The following DDX11 variants were observed in gnomAD, a reference collection of about 807,000 sequenced individuals.
DDX11 encodes DEAD/H-box helicase 11, also known as ATP-dependent DNA helicase DDX11.
DDX11 carries 72 observed loss-of-function variants against 125.2 expected under a neutral mutation model. The ratio of observed to expected loss-of-function variants is 0.58; its 90% confidence interval spans 0.48 to 0.70. The LOEUF (loss-of-function observed/expected upper bound fraction) is 0.70. Ranked by LOEUF, DDX11 falls within the 30% of genes least tolerant of loss-of-function variation. DDX11 has a pLI of 0.00. For synonymous variants in DDX11, 347 were observed against 452.6 expected (o/e 0.77, Z 2.96); for missense variants, 883 against 1,165.0 (o/e 0.76, Z 3.52).
chr12:31,081,126 C>T (rs1395067080), intron 2 of DDX11, among the ~76,000 whole-genome samples: 4 of 152,220 alleles, frequency 2.6e-5, no homozygotes, highest in South Asian at 2.1e-4. Context: ...CAGGCTTCTG[C>T]GTCTTCTTCC....
rs531556994 is a variant in DDX11, at chr12:31,089,792, G to A, written c.881-94G>A. On this transcript the variant is annotated intron_variant, in intron 8 of 26. Coordinates refer to ENST00000542838, the MANE Select transcript of DDX11 (RefSeq NM_030653.4). ...GAGGGTCTTATAGACCCTACCCCATGGAAGTGGGTCTCAACATTACACAAC... is the reference window on the plus strand; with the variant it reads ...GAGGGTCTTATAGACCCTACCCCATAGAAGTGGGTCTCAACATTACACAAC... 477 of 1,551,518 alleles carry A rather than the reference G, an allele frequency of 3.1e-4. 1 individual carries two copies. The Admixed American group carries it at 4.4e-3, about 14-fold the overall frequency.
At position 31,089,739 on chromosome 12, in the gene DDX11, C is replaced by T. The variant is rs968201637; in HGVS notation, c.881-147C>T. 2.1e-5 allele frequency: 30 copies of T among 1,433,856 alleles called. No individual in the cohort carries two copies. The African/African-American group carries it at 2.6e-4, about 12-fold the overall frequency. 88.8% of individuals were successfully genotyped at this position (1,433,856 alleles called of 1,614,324 possible). On this transcript the variant is annotated intron_variant, in intron 8 of 26. Transcript: ENST00000542838. ...ACAGAAGTAAAACCTTACAGTGTTCCGATGAGACCACAGTAGGCAGTACTT... is the reference window on the plus strand; with the variant it reads ...ACAGAAGTAAAACCTTACAGTGTTCTGATGAGACCACAGTAGGCAGTACTT...
chr12:31,090,122 G>T lies in DDX11; in HGVS notation c.1089+28G>T, dbSNP rs572420256. 8 of 1,548,778 alleles carry T rather than the reference G, an allele frequency of 5.2e-6. No individual in the cohort carries two copies. The South Asian group carries it at 9.5e-5, about 18-fold the overall frequency. The stretch of plus-strand genomic sequence containing the variant: ...GAGGGCCCTGCAGGGCCAGAAAGCC[G>T]CTCTTGACTCTCACTGTGGTCTAGG... On this transcript the variant is annotated intron_variant, in intron 9 of 26. Transcript: ENST00000542838.
intron 16 of DDX11, 45 bp downstream of exon 16, chr12:31,096,790 C>G (rs1466212054): frequency 6.2e-7 from 1 of 1,614,190 alleles, no homozygotes. Context: ...CACGCATGGG[C>G]AAGGACTTCT....
intron 1 of DDX11, among the ~76,000 whole-genome samples, chr12:31,077,578 T>C (rs923813198): frequency 1.3e-5 from 2 of 151,786 alleles, no homozygotes; most frequent in African/African-American, 4.8e-5. Context: ...CCGGGTGCGG[T>C]GGCTCACGCC....
intron 5 of DDX11, among the ~76,000 whole-genome samples, chr12:31,086,373 A>T (rs1170704839): frequency 6.6e-6 from 1 of 152,150 alleles, no homozygotes; most frequent in Non-Finnish European, 1.5e-5. Context: ...AGTGTTTGGC[A>T]TAGGGGTGTG....
Position 31,102,959 on chromosome 12 carries a change from C to A in DDX11, c.2396C>A (p.Pro799His). The A allele has an allele frequency of 6.2e-7, 1 of 1,613,942 alleles. No individual in the cohort carries two copies. Among genetic ancestry groups the A allele is most frequent in the Non-Finnish European group, 8.5e-7 (1 of 1,179,856 alleles). ...AGGTGTGTGGTGATGGTGGGCATGC[C>A]CTTCCCCAACATCAGGTCTGCAGAG... ...LGRCVVMVGM[P>H]FPNIRSAELQ... The change falls in exon 24 of 27, where the codon CCC becomes CAC. Residue 799 changes from proline (P) to histidine (H), a missense_variant. Around this residue, in one of 5 missense-constraint regions of DDX11, gnomAD observed 285 missense variants for 346.0 expected, o/e 0.82. Coordinates refer to ENST00000542838, the MANE Select transcript of DDX11 (RefSeq NM_030653.4).
chr12:31,082,843 G>C (rs1378061090), intron 2 of DDX11, among the ~76,000 whole-genome samples: 1 of 152,216 alleles, frequency 6.6e-6, no homozygotes, highest in African/African-American at 2.4e-5. Context: ...AGGGTCGTGA[G>C]GGAAAGATCT....
At chr12:31,077,941 C>G (rs992007757) in intron 1 of DDX11, 2 of 329,090 alleles carry the variant, frequency 6.1e-6, no homozygotes, top group Non-Finnish European at 1.2e-5. Flanking sequence ...TCATGATTTT[C>G]CAGGACTTCA....
chr12:31,089,416 A>G lies in DDX11; in HGVS notation c.806A>G (p.Asn269Ser), dbSNP rs1379170549. ...SLGSRQNLCV[N>S]EDVKSLGSVQ... ...CCTTTGCTGCAGAACCTTTGTGTAA[A>G]TGAAGACGTGAAAAGCCTAGGTTCT... The change falls in exon 8 of 27, where the codon AAT becomes AGT. Residue 269 changes from asparagine (N) to serine (S), a missense_variant. Around this residue, in one of 5 missense-constraint regions of DDX11, gnomAD observed 283 missense variants for 359.6 expected, o/e 0.79. Transcript: ENST00000542838. 3.1e-6 allele frequency: 5 copies of G among 1,613,858 alleles called. No individual in the cohort carries two copies. Among genetic ancestry groups the G allele is most frequent in the East Asian group, 2.2e-5 (1 of 44,898 alleles).
Position 31,091,835 on chromosome 12 carries a change from C to T in DDX11, c.1206C>T (p.Ile402=), listed in dbSNP as rs2140794612. ...AGGCGCACAACCTGATCGACACCAT[C>T]ACGGGCATGCACAGCGTGGAGGTCA... ...IDEAHNLIDT[I]TGMHSVEVSG... The change falls in exon 10 of 27, where the codon ATC becomes ATT. Residue 402 remains isoleucine (I), a synonymous_variant. Transcript: ENST00000542838. The T allele has an allele frequency of 6.2e-7, 1 of 1,613,946 alleles. No individual in the cohort carries two copies. The highest frequency in any genetic ancestry group is 2.2e-5 in the East Asian group (1 of 44,868).
At chr12:31,102,008 C>T (rs767265691) in intron 21 of DDX11, 26 bp downstream of exon 21, 3 of 1,606,306 alleles carry the variant, frequency 1.9e-6, no homozygotes, top group South Asian at 2.2e-5. Context: ...GCAGCCTTCC[C>T]ACTTGTGAGG....
rs377536071 is a variant in DDX11 at position 31,089,360 on chromosome 12, G to T, written c.793-43G>T. The stretch of plus-strand genomic sequence containing the variant: ...ACGTGTGTTGGTAGGATGTCATTTA[G>T]CTGGCACCATCTTTTTGCCTCTTTC... On this transcript the variant is annotated intron_variant, in intron 7 of 26. Coordinates refer to ENST00000542838, the MANE Select transcript of DDX11 (RefSeq NM_030653.4). The T allele has an allele frequency of 2.2e-5, 36 of 1,605,420 alleles. 1 individual carries two copies. In the African/African-American group the frequency reaches 4.3e-4, roughly 19 times the overall value.
At position 31,103,615 on chromosome 12, in the gene DDX11, G is replaced by C. The variant is rs771876411; in HGVS notation, c.2575G>C (p.Val859Leu). 6.2e-7 allele frequency: 1 copy of C among 1,613,988 alleles called. No individual in the cohort carries two copies. Among genetic ancestry groups the C allele is most frequent in the Admixed American group, 1.7e-5 (1 of 60,020 alleles). ...IRHQKDFASV[V>L]LLDQRYARPP... ...GCACCAGAAGGATTTTGCCAGCGTA[G>C]TGCTCCTGGACCAGCGATATGCCCG... Residue 859 changes from valine (V) to leucine (L), a missense_variant, in exon 26 of 27, where the codon GTG (valine) becomes CTG (leucine). Val to Leu is a conservative substitution (Grantham distance 32). Around this residue, in one of 5 missense-constraint regions of DDX11, gnomAD observed 285 missense variants for 346.0 expected, o/e 0.82. Transcript: ENST00000542838.
chr12:31,098,862 G>A lies in DDX11; in HGVS notation c.1875+865G>A, dbSNP rs186720849. 5.0e-3 allele frequency among the ~76,000 whole-genome samples: 765 copies of A among 152,072 alleles called. 10 individuals are homozygous for A. The highest frequency in any genetic ancestry group is 0.018 in the African/African-American group (733 of 41,460). On this transcript the variant is annotated intron_variant, in intron 18 of 26. Coordinates refer to ENST00000542838, the MANE Select transcript of DDX11 (RefSeq NM_030653.4). ...TCCTCCCCGTGGCCCGGTCAGTCTC[G>A]CCTCCAGCACAGCAGAATGTCATGG... is the stretch of plus-strand genomic sequence containing the variant.
rs1196388302 is a variant in DDX11, at chr12:31,083,992, T to C, written c.324T>C (p.Ala108=). ...CEGAAGTPRP[A]GEPAWVTQFV... ...GGGCTGCAGGCACCCCGAGGCCTGC[T>C]GGAGAACCGGCCTGGGTTACTCAGT... The change falls in exon 3 of 27, where the codon GCT becomes GCC. Residue 108 remains alanine, a synonymous_variant. Transcript: ENST00000542838. The C allele has an allele frequency of 3.1e-6, 5 of 1,613,954 alleles. No homozygotes were observed. Among genetic ancestry groups the C allele is most frequent in the East Asian group, 2.2e-5 (1 of 44,884 alleles).
At chr12:31,079,780 A>C (rs1455203073) in intron 2 of DDX11, among the ~76,000 whole-genome samples, 30 of 150,500 alleles carry the variant, frequency 2.0e-4, no homozygotes, top group South Asian at 4.2e-4. Context: ...TTACTGGTGC[A>C]CACCACCATA....
At position 31,087,879 on chromosome 12, in the gene DDX11, G is replaced by C; in HGVS notation, c.639-59G>C. On this transcript the variant is annotated intron_variant, in intron 5 of 26. Transcript: ENST00000542838. Reference sequence around the variant, plus strand: ...AGCACCAGCGCTCAGCAGATGCTCAGTGCGTTTTGCTGAGTTTGCTGAGGG... The same window carrying C: ...AGCACCAGCGCTCAGCAGATGCTCACTGCGTTTTGCTGAGTTTGCTGAGGG... 3 of 1,574,726 alleles carry C rather than the reference G, an allele frequency of 1.9e-6. No individual in the cohort carries two copies. In the Admixed American group the frequency reaches 5.6e-5, roughly 29 times the overall value.
At chr12:31,099,105 TG>T (rs1268459014) in intron 18 of DDX11, among the ~76,000 whole-genome samples, 27 of 121,310 alleles carry the variant, frequency 2.2e-4, no homozygotes, top group South Asian at 9.0e-4. Context: ...TTTTTTTTTT[TG>T]AGACACAGTC....
Sources: allele counts gnomAD v4.1 joint callset (sites outside exome capture counted in the v4.1 genomes callset), GRCh38; gene constraint gnomAD v4.1.1; regional missense constraint gnomAD v4.1.1; transcripts MANE v1.5; gene names NCBI Gene and HGNC (gene_info 2026-07-23, HGNC 2026-07-21).